The following FRMPD4 variants were observed in gnomAD, a reference collection of about 807,000 sequenced individuals.
The protein encoded by FRMPD4 is FERM and PDZ domain containing 4, also known as FERM and PDZ domain-containing protein 4.
FRMPD4 carries 22 observed loss-of-function variants against 94.1 expected under a neutral mutation model. The observed-to-expected ratio is 0.23, with a 90% confidence interval of 0.17 to 0.33. The LOEUF is 0.33. Among genes scored for constraint, FRMPD4 ranks in the 10% least tolerant of loss-of-function variants. FRMPD4 has a pLI of 1.00. For missense variants in FRMPD4, 1,111 were observed against 1,339.9 expected (o/e 0.83, Z 2.67); for synonymous variants, 631 against 548.6 (o/e 1.15, Z -2.10).
chrX:12,631,954 A>T (rs1269783793), intron 4 of FRMPD4, among the ~76,000 whole-genome samples: 1 of 112,311 alleles, frequency 8.9e-6, no homozygotes, highest in African/African-American at 3.2e-5. Context: ...TATACCCAGC[A>T]TAATCAGAGC....
At chrX:12,555,824 A>G (rs978161407) in intron 2 of FRMPD4, among the ~76,000 whole-genome samples, 2 of 112,397 alleles carry the variant, frequency 1.8e-5, no homozygotes, top group Non-Finnish European at 3.8e-5. Flanking sequence ...CTATACTGTA[A>G]TTGGAAATAA....
chrX:12,723,530 A>C lies in FRMPD4; in HGVS notation c.*1672A>C, dbSNP rs1170986031. 8.9e-6 allele frequency: 1 copy of C among 111,977 alleles called. No homozygotes were observed. Among genetic ancestry groups the C allele is most frequent in the Non-Finnish European group, 1.9e-5 (1 of 53,250 alleles). 9.2% of individuals were successfully genotyped at this position (111,977 alleles called of 1,213,427 possible). ...AAATAATGTTTAACTAAATAATAAA[A>C]CATTATTTCATTACAATTATAATTA... On this transcript the variant is annotated 3_prime_UTR_variant, in exon 17 of 17. Transcript: ENST00000675598.
At chrX:11,840,211 C>T (rs958407039) in intron 1 of FRMPD4, among the ~76,000 whole-genome samples, 3 of 111,219 alleles carry the variant, frequency 2.7e-5, no homozygotes, top group Admixed American at 9.6e-5. Flanking sequence ...ATATGGAATG[C>T]TTCCCTATTT....
intron 3 of FRMPD4, among the ~76,000 whole-genome samples, chrX:11,925,808 A>T (rs5935191): frequency 9.1e-6 from 1 of 110,341 alleles, no homozygotes; most frequent in Admixed American, 9.7e-5. Flanking sequence ...AGTTAGAAAG[A>T]TCTCAAGCTA....
rs763422546 is a variant in FRMPD4, at chrX:12,174,920, T to G, written c.41+35908T>G. ...TGATAGTACTTTTGGGCAGAGTCAC[T>G]GATCCCTGTTTTATTTTGAGTTCTT... is the stretch of plus-strand genomic sequence containing the variant. On this transcript the variant is annotated intron_variant, in intron 1 of 16. Coordinates refer to ENST00000675598, the MANE Select transcript of FRMPD4 (RefSeq NM_001368397.1). Among the ~76,000 whole-genome samples, 4 of 112,378 alleles carry G rather than the reference T, an allele frequency of 3.6e-5. No individual in the cohort carries two copies. In the South Asian group the frequency reaches 1.5e-3, roughly 42 times the overall value.
intron 1 of FRMPD4, among the ~76,000 whole-genome samples, chrX:12,441,148 T>C (rs2057131757): frequency 8.9e-6 from 1 of 111,992 alleles, no homozygotes; most frequent in African/African-American, 3.2e-5. Context: ...GAGGCAACTG[T>C]AAACTTACAA....
Position 12,146,481 on chromosome X carries a change from G to C in FRMPD4, c.41+7469G>C, listed in dbSNP as rs149186175. On this transcript the variant is annotated intron_variant, in intron 1 of 16. Transcript: ENST00000675598. Reference sequence around the variant, plus strand: ...ACACGTGTATACACACACATACAGAGACACACACACACACACATCTACCCC... The same window carrying C: ...ACACGTGTATACACACACATACAGACACACACACACACACACATCTACCCC... Among the ~76,000 whole-genome samples the C allele has an allele frequency of 3.0e-3, 321 of 108,602 alleles. 1 individual carries two copies. The highest frequency in any genetic ancestry group is 3.9e-3 in the Non-Finnish European group (204 of 52,022). 94.3% of individuals were successfully genotyped at this position (108,602 alleles called of 115,157 possible).
chrX:11,922,748 A>G (rs1278740579), intron 3 of FRMPD4, among the ~76,000 whole-genome samples: 1 of 112,660 alleles, frequency 8.9e-6, no homozygotes, highest in Non-Finnish European at 1.9e-5. Flanking sequence ...TGGAGCCCAG[A>G]GGGTTCGGTG....
chrX:12,043,438 GGT>G (rs1166196371), intron 3 of FRMPD4, among the ~76,000 whole-genome samples: 1 of 111,209 alleles, frequency 9.0e-6, no homozygotes, highest in African/African-American at 3.3e-5. Context: ...AACTATCTCA[GGT>G]GCTCTCTTAT....
chrX:12,447,170 C>G (rs779956133), intron 1 of FRMPD4, among the ~76,000 whole-genome samples: 2 of 111,718 alleles, frequency 1.8e-5, no homozygotes, highest in South Asian at 3.8e-4. Context: ...AGAAACCTAT[C>G]AGGGAAGCAA....
intron 5 of FRMPD4, among the ~76,000 whole-genome samples, chrX:12,677,477 TAAAAA>T (rs35199206): frequency 3.0e-5 from 3 of 98,797 alleles, no homozygotes; most frequent in African/African-American, 3.7e-5. Flanking sequence ...TTGCTTTTTG[TAAAAA>T]AAAAAAAAAA....
chrX:12,453,436 G>C (rs986693600), intron 1 of FRMPD4, among the ~76,000 whole-genome samples: 1 of 111,586 alleles, frequency 9.0e-6, no homozygotes, highest in Admixed American at 9.5e-5. Flanking sequence ...TATTTAATAG[G>C]AAAAAAATTA....
intron 3 of FRMPD4, among the ~76,000 whole-genome samples, chrX:12,033,442 A>G (rs1260839465): frequency 9.0e-6 from 1 of 111,681 alleles, no homozygotes; most frequent in Admixed American, 9.5e-5. Flanking sequence ...AAATGTGGCC[A>G]TGGGAGAAGG....
At chrX:12,553,836 T>C (rs2058566685) in intron 2 of FRMPD4, among the ~76,000 whole-genome samples, 1 of 111,983 alleles carries the variant, frequency 8.9e-6, no homozygotes, top group African/African-American at 3.2e-5. Context: ...ATGTGAATTA[T>C]GTAAATGGCT....
At chrX:12,501,525 A>C (rs1221214208) in intron 2 of FRMPD4, among the ~76,000 whole-genome samples, 2 of 109,043 alleles carry the variant, frequency 1.8e-5, no homozygotes, top group Non-Finnish European at 3.8e-5. Context: ...CCAGGTTTGC[A>C]GTGTGGAATA....
At chrX:12,448,393 C>T (rs1170298168) in intron 1 of FRMPD4, among the ~76,000 whole-genome samples, 1 of 111,979 alleles carries the variant, frequency 8.9e-6, no homozygotes, top group Non-Finnish European at 1.9e-5. Context: ...CTACCTAATT[C>T]TTGGCCCCGA....
At chrX:11,827,091 A>G (rs1000626467) in intron 1 of FRMPD4, among the ~76,000 whole-genome samples, 11 of 80,293 alleles carry the variant, frequency 1.4e-4, no homozygotes, top group African/African-American at 2.1e-4. Flanking sequence ...TATATAAAAT[A>G]TATATGTTCT....
chrX:12,448,633 C>A (rs1319321075), intron 1 of FRMPD4, among the ~76,000 whole-genome samples: 1 of 112,209 alleles, frequency 8.9e-6, no homozygotes, highest in East Asian at 2.8e-4. Flanking sequence ...TTTTTTTGTG[C>A]AAGGAAGACT....
chrX:12,038,055 T>C (rs1275241848), intron 3 of FRMPD4, among the ~76,000 whole-genome samples: 1 of 112,218 alleles, frequency 8.9e-6, no homozygotes, highest in East Asian at 2.8e-4. Context: ...TATTTTCCAG[T>C]TTTTGACTAA....
Sources: gnomAD v4.1 joint callset for allele counts (sites outside exome capture counted in the v4.1 genomes callset) on GRCh38, gnomAD v4.1.1 for gene constraint, MANE v1.5 for transcripts, NCBI Gene and HGNC (gene_info 2026-07-23, HGNC 2026-07-21) for gene names.